Variants in DOCK4 observed in about 807,000 individuals in gnomAD.
DOCK4 encodes dedicator of cytokinesis protein 4.
In DOCK4, 97 loss-of-function variants were observed where a neutral mutation model predicts 268.1. The observed-to-expected ratio is 0.36, with a 90% CI of 0.31 to 0.43. The LOEUF is 0.43. Among genes scored for constraint, DOCK4 ranks in the 20% least tolerant of loss-of-function variants. The probability of loss-of-function intolerance (pLI) is 1.00; values close to 1 mark genes in which losing one functional copy is unlikely to be tolerated. For missense variants in DOCK4, 2,145 were observed against 2,455.7 expected (o/e 0.87, Z 2.67); for synonymous variants, 954 against 887.2 (o/e 1.08, Z -1.34).
At chr7:112,004,880 C>T (rs1800728390) in intron 1 of DOCK4, among the ~76,000 whole-genome samples, 1 of 152,110 alleles carries the variant, frequency 6.6e-6, no homozygotes, top group South Asian at 2.1e-4. Flanking sequence ...CAGGGCAGGA[C>T]AGGACTAGGA....
intron 23 of DOCK4, among the ~76,000 whole-genome samples, chr7:111,857,220 C>T (rs1330058367): frequency 6.6e-6 from 1 of 152,058 alleles, no homozygotes; most frequent in African/African-American, 2.4e-5. Context: ...TATATTATGG[C>T]CTAAAATGTT....
In DOCK4 at chr7:111,728,285, A is replaced by C. The variant is rs1364305874; in HGVS notation, c.5917T>G (p.Ser1973Ala). The change falls in exon 53 of 53, where the codon TCT becomes GCT. Residue 1973 changes from serine (S) to alanine (A), a missense_variant. Around this residue, in one of 2 missense-constraint regions of DOCK4, gnomAD observed 547 missense variants for 469.0 expected, o/e 1.17. Transcript: ENST00000428084. ...PRPRPLPRKV[S>A]QL The stretch of plus-strand genomic sequence containing the variant: ...CATAGAAAAGTGACTTATAACTGAG[A>C]GACCTTGCGGGGCAGGGGCCTGGGC... 1 of 1,495,536 alleles carries C rather than the reference A, an allele frequency of 6.7e-7. No homozygotes were observed. The highest frequency in any genetic ancestry group is 1.4e-5 in the African/African-American group (1 of 70,924). 92.6% of individuals were successfully genotyped at this position (1,495,536 alleles called of 1,614,324 possible). A position where few individuals can be genotyped will look rare whatever the true frequency, so the allele number is the denominator to read the frequency against.
At chr7:112,105,760 C>T (rs951248322) in intron 1 of DOCK4, among the ~76,000 whole-genome samples, 1 of 150,998 alleles carries the variant, frequency 6.6e-6, no homozygotes, top group Non-Finnish European at 1.5e-5. Context: ...GCAATTACAG[C>T]TCACTGCAGC....
chr7:111,866,838 C>T (rs1469826275), intron 22 of DOCK4, among the ~76,000 whole-genome samples: 1 of 152,190 alleles, frequency 6.6e-6, no homozygotes, highest in Non-Finnish European at 1.5e-5. Context: ...TTCTGAATTA[C>T]TTTTGTAGAG....
In DOCK4 at chr7:111,728,350, T is replaced by A. The variant is rs1313724290; in HGVS notation, c.5852A>T (p.His1951Leu). The change falls in exon 53 of 53, where the codon CAC becomes CTC. Residue 1951 changes from histidine to leucine, a missense_variant. Around this residue, in one of 2 missense-constraint regions of DOCK4, gnomAD observed 547 missense variants for 469.0 expected, o/e 1.17. Coordinates refer to ENST00000428084, the MANE Select transcript of DOCK4 (RefSeq NM_001363540.2). ...PPKPLAARSSHLENGARRTDP... is the reference protein window; with the variant it reads ...PPKPLAARSSLLENGARRTDP... ...AGTCCTCCGGGCCCCATTCTCCAGG[T>A]GGCTGGATCGCGCTGCCAGAGGCTT... is the stretch of plus-strand genomic sequence containing the variant. The A allele has an allele frequency of 6.6e-7, 1 of 1,521,450 alleles. No individual in the cohort carries two copies. Among genetic ancestry groups the A allele is most frequent in the Non-Finnish European group, 8.8e-7 (1 of 1,136,870 alleles). 94.2% of individuals were successfully genotyped at this position (1,521,450 alleles called of 1,614,324 possible).
chr7:111,941,522 T>C (rs184463410), intron 10 of DOCK4, among the ~76,000 whole-genome samples: 29 of 152,290 alleles, frequency 1.9e-4, no homozygotes, highest in African/African-American at 6.3e-4. Context: ...TCTTTATCAA[T>C]ATCGTGGTTT....
At chr7:111,891,704 T>G (rs1356574447) in intron 16 of DOCK4, among the ~76,000 whole-genome samples, 2 of 152,214 alleles carry the variant, frequency 1.3e-5, no homozygotes, top group Non-Finnish European at 2.9e-5. Context: ...TCATATTTCT[T>G]CTATAAATGC....
intron 32 of DOCK4, among the ~76,000 whole-genome samples, chr7:111,786,640 C>T (rs1014285180): frequency 6.6e-6 from 1 of 152,156 alleles, no homozygotes; most frequent in Non-Finnish European, 1.5e-5. Flanking sequence ...CAGTGAACTA[C>T]TTACAGCTTT....
At chr7:112,035,018 A>G (rs58710544) in intron 1 of DOCK4, among the ~76,000 whole-genome samples, 3,245 of 152,288 alleles carry the variant, frequency 0.021, 110 homozygotes, top group African/African-American at 0.074. Flanking sequence ...TGCATGCTTC[A>G]TCTAGGAAAG....
At chr7:111,787,754 C>T (rs1456809460) in intron 32 of DOCK4, among the ~76,000 whole-genome samples, 1 of 152,156 alleles carries the variant, frequency 6.6e-6, no homozygotes, top group Non-Finnish European at 1.5e-5. Context: ...GGCATAAATA[C>T]AAACACGAAT....
intron 23 of DOCK4, among the ~76,000 whole-genome samples, chr7:111,859,035 T>C (rs1805264768): frequency 6.6e-6 from 1 of 152,196 alleles, no homozygotes; most frequent in African/African-American, 2.4e-5. Context: ...CCCCCTTTTT[T>C]TGAGACAGGG....
intron 1 of DOCK4, among the ~76,000 whole-genome samples, chr7:112,143,709 A>G (rs2729536): frequency 0.85 from 129,619 of 152,146 alleles, 55,474 homozygotes; most frequent in South Asian, 0.94. Context: ...ATGTGTTTAT[A>G]TAAAGTCTCC....
intron 1 of DOCK4, among the ~76,000 whole-genome samples, chr7:112,015,496 C>T (rs915373379): frequency 2.6e-5 from 4 of 152,182 alleles, no homozygotes; most frequent in African/African-American, 9.7e-5. Flanking sequence ...TCACTTTGCT[C>T]GGTGGACTTG....
intron 38 of DOCK4, 64 bp downstream of exon 38, chr7:111,766,968 C>T: frequency 7.8e-7 from 1 of 1,285,572 alleles, no homozygotes. Context: ...TTCATAGAAC[C>T]ACACTGGAAA....
At chr7:111,810,698 C>G (rs1801060274) in intron 28 of DOCK4, among the ~76,000 whole-genome samples, 3 of 151,546 alleles carry the variant, frequency 2.0e-5, no homozygotes, top group South Asian at 4.2e-4. Flanking sequence ...AAATATTTAT[C>G]CAAAGAAATA....
At chr7:111,799,644 CTAAAACTCATAAAAAA>C (rs1253877580) in intron 30 of DOCK4, among the ~76,000 whole-genome samples, 1 of 152,168 alleles carries the variant, frequency 6.6e-6, no homozygotes, top group African/African-American at 2.4e-5. Flanking sequence ...AAATCTTAAG[CTAAAACTCATAAAAAA>C]TAAGTAACTA....
chr7:112,051,055 T>C (rs1054309547), intron 1 of DOCK4, among the ~76,000 whole-genome samples: 1 of 151,646 alleles, frequency 6.6e-6, no homozygotes, highest in Non-Finnish European at 1.5e-5. Context: ...AAGAAGAGAG[T>C]ATTAGGCACA....
chr7:111,928,914 G>A (rs10279521), intron 12 of DOCK4, among the ~76,000 whole-genome samples: 149,229 of 152,322 alleles, frequency 0.98, 73,111 homozygotes, highest in East Asian at 1. Context: ...TATAAAAGAC[G>A]TAGAGAAAAT....
intron 1 of DOCK4, among the ~76,000 whole-genome samples, chr7:112,061,657 G>T (rs907128878): frequency 6.7e-6 from 1 of 149,592 alleles, no homozygotes; most frequent in African/African-American, 2.5e-5. Context: ...CCTTTAAAAA[G>T]AATTATAAAC....
Sources: gnomAD v4.1 joint callset for allele counts (sites outside exome capture counted in the v4.1 genomes callset) on GRCh38, gnomAD v4.1.1 for gene constraint, gnomAD v4.1.1 regional missense constraint, MANE v1.5 for transcripts, NCBI Gene and HGNC (gene_info 2026-07-23, HGNC 2026-07-21) for gene names.